Variants in BRINP3 observed in about 807,000 individuals in gnomAD.
BRINP3 encodes BMP/retinoic acid inducible neural specific 3, also known as BMP/retinoic acid-inducible neural-specific protein 3.
BRINP3 carries 19 observed loss-of-function variants against 71.0 expected under a neutral mutation model. The observed-to-expected ratio is 0.27, with a 90% CI of 0.19 to 0.39. The LOEUF is 0.39. Among genes scored for constraint, BRINP3 ranks in the 10% least tolerant of loss-of-function variants. BRINP3 has a pLI of 1.00. For missense variants in BRINP3, 959 were observed against 940.8 expected (o/e 1.02, Z -0.25); for synonymous variants, 380 against 337.7 (o/e 1.13, Z -1.37).
Position 190,098,045 on chromosome 1 carries a change from A to G in BRINP3, c.2274T>C (p.Asp758=). The G allele has an allele frequency of 6.2e-7, 1 of 1,612,784 alleles. No individual in the cohort carries two copies. Among genetic ancestry groups the G allele is most frequent in the Non-Finnish European group, 8.5e-7 (1 of 1,179,432 alleles). The change falls in exon 8 of 8, where the codon GAT becomes GAC. Residue 758 remains aspartate, a synonymous_variant. Coordinates refer to ENST00000367462, the MANE Select transcript of BRINP3 (RefSeq NM_199051.3). ...AFNAKLPNTM[D]YDTTKLCS is the part of the protein sequence containing the mutation. ...AACTACATAATTTGGTCGTGTCATA[A>G]TCCATTGTGTTTGGCAATTTGGCAT...
chr1:190,346,345 G>A (rs958188406), intron 2 of BRINP3, among the ~76,000 whole-genome samples: 1 of 152,080 alleles, frequency 6.6e-6, no homozygotes, highest in Non-Finnish European at 1.5e-5. Flanking sequence ...GCAATAGGCT[G>A]CTAAACTGAA....
chr1:190,259,119 T>C (rs990494468), intron 4 of BRINP3, among the ~76,000 whole-genome samples: 7 of 151,664 alleles, frequency 4.6e-5, no homozygotes, highest in African/African-American at 1.7e-4. Flanking sequence ...AAAATAGAAG[T>C]GGAAGGAATA....
At chr1:190,258,001 C>A (rs946036345) in intron 4 of BRINP3, among the ~76,000 whole-genome samples, 1 of 152,218 alleles carries the variant, frequency 6.6e-6, no homozygotes, top group Non-Finnish European at 1.5e-5. Context: ...GCTGGGGGAA[C>A]CACTGCTATT....
intron 6 of BRINP3, among the ~76,000 whole-genome samples, chr1:190,189,677 T>A (rs764068830): frequency 3.3e-5 from 5 of 152,150 alleles, no homozygotes; most frequent in Non-Finnish European, 7.4e-5. Flanking sequence ...TGATTTTTTT[T>A]ATCTAGATTC....
chr1:190,266,182 G>A (rs191752584), intron 3 of BRINP3, among the ~76,000 whole-genome samples: 1 of 152,302 alleles, frequency 6.6e-6, no homozygotes, highest in East Asian at 1.9e-4. Flanking sequence ...TGTTTGGGTA[G>A]TATTGTGCCC....
intron 2 of BRINP3, among the ~76,000 whole-genome samples, chr1:190,421,751 C>T (rs1347554475): frequency 6.6e-6 from 1 of 151,732 alleles, no homozygotes; most frequent in Non-Finnish European, 1.5e-5. Flanking sequence ...TTCACGAGTT[C>T]ATTTCTTCAT....
chr1:190,472,466 A>C (rs1677199540), intron 1 of BRINP3, among the ~76,000 whole-genome samples: 1 of 151,740 alleles, frequency 6.6e-6, no homozygotes, highest in Non-Finnish European at 1.5e-5. Context: ...TTTTTCTAAA[A>C]ACAATATGTG....
At chr1:190,105,954 T>C (rs1414569665) in intron 7 of BRINP3, among the ~76,000 whole-genome samples, 3 of 151,988 alleles carry the variant, frequency 2.0e-5, no homozygotes, top group Admixed American at 2.0e-4. Context: ...TTTTAAAAAT[T>C]AGCGTACACA....
At chr1:190,450,875 C>A (rs543360903) in intron 2 of BRINP3, among the ~76,000 whole-genome samples, 2 of 152,190 alleles carry the variant, frequency 1.3e-5, no homozygotes, top group South Asian at 4.1e-4. Flanking sequence ...TCATTATAAT[C>A]CTGTCACATA....
At chr1:190,422,512 C>T (rs1231650673) in intron 2 of BRINP3, among the ~76,000 whole-genome samples, 1 of 151,752 alleles carries the variant, frequency 6.6e-6, no homozygotes, top group African/African-American at 2.4e-5. Flanking sequence ...TGAAAGATGA[C>T]ACATTTAGGA....
At chr1:190,286,944 C>T (rs1571635566) in intron 2 of BRINP3, among the ~76,000 whole-genome samples, 1 of 151,858 alleles carries the variant, frequency 6.6e-6, no homozygotes, top group African/African-American at 2.4e-5. Flanking sequence ...ACTGGCTGGG[C>T]ACAGTGGCTC....
chr1:190,199,928 C>A (rs1558057966), intron 6 of BRINP3, among the ~76,000 whole-genome samples: 3 of 152,048 alleles, frequency 2.0e-5, no homozygotes, highest in South Asian at 2.1e-4. Context: ...GTGACAACTA[C>A]CTGAATTGCC....
chr1:190,137,859 T>C (rs1339195412), intron 7 of BRINP3, among the ~76,000 whole-genome samples: 1 of 152,174 alleles, frequency 6.6e-6, no homozygotes, highest in East Asian at 1.9e-4. Flanking sequence ...ACTTTACATA[T>C]GCTGATTCTT....
chr1:190,197,142 AAGAG>A (rs943006969), intron 6 of BRINP3, among the ~76,000 whole-genome samples: 2 of 151,922 alleles, frequency 1.3e-5, no homozygotes, highest in African/African-American at 2.4e-5. Flanking sequence ...GGTGGCAGGC[AAGAG>A]AGCTTGTGTA....
intron 2 of BRINP3, among the ~76,000 whole-genome samples, chr1:190,314,929 G>C (rs994369621): frequency 6.6e-6 from 1 of 152,206 alleles, no homozygotes; most frequent in African/African-American, 2.4e-5. Context: ...TCCTATAGGG[G>C]CTTGTTATTC....
At chr1:190,469,719 A>G (rs1023713957) in intron 1 of BRINP3, among the ~76,000 whole-genome samples, 7 of 150,954 alleles carry the variant, frequency 4.6e-5, no homozygotes, top group African/African-American at 1.7e-4. Context: ...TTTGTTCTAT[A>G]TTTAGTTTAG....
chr1:190,306,441 G>T (rs1465573122), intron 2 of BRINP3, among the ~76,000 whole-genome samples: 1 of 151,728 alleles, frequency 6.6e-6, no homozygotes, highest in Non-Finnish European at 1.5e-5. Context: ...GAGTTTTAGA[G>T]AAAATAAAAC....
chr1:190,437,177 T>A (rs781330727), intron 2 of BRINP3, among the ~76,000 whole-genome samples: 3 of 151,782 alleles, frequency 2.0e-5, no homozygotes, highest in Non-Finnish European at 4.4e-5. Flanking sequence ...TGAAATATTT[T>A]GAAATTTTAC....
intron 7 of BRINP3, among the ~76,000 whole-genome samples, chr1:190,160,231 G>A (rs1339293330): frequency 6.6e-6 from 1 of 151,846 alleles, no homozygotes; most frequent in Non-Finnish European, 1.5e-5. Context: ...GTAGAATTAG[G>A]TTTGTGGTTT....
Sources: gnomAD v4.1 joint callset for allele counts (sites outside exome capture counted in the v4.1 genomes callset) on GRCh38, gnomAD v4.1.1 for gene constraint, MANE v1.5 for transcripts, NCBI Gene and HGNC (gene_info 2026-07-23, HGNC 2026-07-21) for gene names.